CPNE3: variants seen among roughly 807,000 people sequenced by gnomAD.
CPNE3 encodes the protein copine 3.
In CPNE3, 68 loss-of-function variants were observed where a neutral mutation model predicts 63.9. That is an observed-to-expected ratio of 1.06 (90% CI 0.87 to 1.30). The LOEUF (loss-of-function observed/expected upper bound fraction) is 1.30. CPNE3 is among the 50% of genes most tolerant of loss of function. CPNE3 has a pLI of 0.00. For missense variants in CPNE3, 665 were observed against 578.1 expected (o/e 1.15, Z -1.54); for synonymous variants, 219 against 197.5 (o/e 1.11, Z -0.91).
Position 86,531,142 on chromosome 8 carries a change from C to G in CPNE3, c.313-13C>G. ...AAGGGAAATGACTCTGTATCACTTT[C>G]TAATTCTAACAGATTGTTTCCAGCA... On this transcript the variant is annotated splice_polypyrimidine_tract_variant and intron_variant, in intron 4 of 16. Coordinates refer to ENST00000517490, the MANE Select transcript of CPNE3 (RefSeq NM_003909.5). 3.8e-6 allele frequency: 4 copies of G among 1,053,902 alleles called. No individual in the cohort carries two copies. The highest frequency in any genetic ancestry group is 6.0e-6 in the Non-Finnish European group (4 of 667,806). The allele number at this position is 1,053,902 out of a possible 1,614,324, so 65.3% of individuals were successfully genotyped here.
intron 5 of CPNE3, 141 bp downstream of exon 5, chr8:86,531,370 T>C (rs558961684): frequency 1.4e-5 from 9 of 644,924 alleles, no homozygotes; most frequent in African/African-American, 1.1e-4. Context: ...CCATGTCTTG[T>C]AGTTATCACA....
Position 86,551,196 on chromosome 8 carries a change from T to C in CPNE3, c.1082T>C (p.Phe361Ser), listed in dbSNP as rs758070071. ...IPPQWQVSHE[F>S]PMNFNPSNPY... ...CATCTTTGACAGGTATCACATGAAT[T>C]TCCAATGAACTTCAACCCATCCAAT... Residue 361 changes from phenylalanine (F) to serine (S), a missense_variant, in exon 14 of 17, where the codon TTT becomes TCT. Coordinates refer to ENST00000517490, the MANE Select transcript of CPNE3 (RefSeq NM_003909.5). The C allele has an allele frequency of 6.2e-7, 1 of 1,612,924 alleles. No homozygotes were observed. The highest frequency in any genetic ancestry group is 8.5e-7 in the Non-Finnish European group (1 of 1,178,938).
intron 2 of CPNE3, among the ~76,000 whole-genome samples, chr8:86,517,801 A>G (rs987785089): frequency 6.6e-6 from 1 of 152,070 alleles, no homozygotes; most frequent in African/African-American, 2.4e-5. Context: ...TGCTTTGTTT[A>G]TTGTTGGCTC....
Position 86,543,219 on chromosome 8 carries a change from A to G in CPNE3, c.634-1521A>G, listed in dbSNP as rs140042744. ...TGGATACTGAGTAGGGCAAGAGTCAAACTGTCAGACTTGGTCAGTGGCCAA... is the reference window on the plus strand; with the variant it reads ...TGGATACTGAGTAGGGCAAGAGTCAGACTGTCAGACTTGGTCAGTGGCCAA... On this transcript the variant is annotated intron_variant, in intron 8 of 16. Transcript: ENST00000517490. Among the ~76,000 whole-genome samples, 43 of 152,242 alleles carry G rather than the reference A, an allele frequency of 2.8e-4. 1 individual carries two copies. Among genetic ancestry groups the G allele is most frequent in the African/African-American group, 9.9e-4 (41 of 41,550 alleles).
At position 86,534,784 on chromosome 8, in the gene CPNE3, G is replaced by A. The variant is rs576311067; in HGVS notation, c.459+2204G>A. Reference sequence around the variant, plus strand: ...AAGTATTTATTTACTTTGTGGTATAGTTTATATAGGAAAAGTAAGTTAAAA... The same window carrying A: ...AAGTATTTATTTACTTTGTGGTATAATTTATATAGGAAAAGTAAGTTAAAA... On this transcript the variant is annotated intron_variant, in intron 6 of 16. Transcript: ENST00000517490. Among the ~76,000 whole-genome samples, 50 of 152,260 alleles carry A rather than the reference G, an allele frequency of 3.3e-4. No individual in the cohort carries two copies. In the South Asian group the frequency reaches 0.01, roughly 31 times the overall value.
intron 12 of CPNE3, 21 bp downstream of exon 12, chr8:86,548,455 A>T (rs1266396396): frequency 6.2e-7 from 1 of 1,613,432 alleles, no homozygotes; most frequent in South Asian, 1.1e-5. Context: ...CTTTGGAAAA[A>T]CTAAAATACA....
Position 86,537,663 on chromosome 8 carries a change from G to C in CPNE3, c.543+17G>C. 7.2e-7 allele frequency: 1 copy of C among 1,395,190 alleles called. No homozygotes were observed. The highest frequency in any genetic ancestry group is 1.2e-5 in the South Asian group (1 of 86,712). The allele number at this position is 1,395,190 out of a possible 1,614,324, so 86.4% of individuals were successfully genotyped here. ...CGGACAGAGGTGAATATTTGAATTT[G>C]AAAAGCAGAGTGGAGGTGTTCTTTG... is the stretch of plus-strand genomic sequence containing the variant. On this transcript the variant is annotated intron_variant, in intron 7 of 16. Transcript: ENST00000517490.
At chr8:86,528,698 T>C in intron 3 of CPNE3, 21 bp downstream of exon 3, 1 of 1,588,352 alleles carries the variant, frequency 6.3e-7, no homozygotes, top group Non-Finnish European at 8.5e-7. Flanking sequence ...ATACTTTACC[T>C]AAAAAGTAAT....
At chr8:86,524,548 G>C (rs1820498925) in intron 2 of CPNE3, among the ~76,000 whole-genome samples, 1 of 152,026 alleles carries the variant, frequency 6.6e-6, no homozygotes, top group Non-Finnish European at 1.5e-5. Flanking sequence ...TTTCTATCCT[G>C]CTCTTTAAGG....
chr8:86,518,007 A>C (rs904865414), intron 2 of CPNE3, among the ~76,000 whole-genome samples: 2 of 152,208 alleles, frequency 1.3e-5, no homozygotes, highest in Non-Finnish European at 2.9e-5. Context: ...GAAATGTATA[A>C]ACATCTCAAC....
At chr8:86,524,908 T>A (rs1175126911) in intron 2 of CPNE3, 1 of 129,296 alleles carries the variant, frequency 7.7e-6, no homozygotes, top group Non-Finnish European at 1.7e-5. Flanking sequence ...CAGGTTGGAA[T>A]GCAATGGCGT....
At chr8:86,549,752 G>A (rs1821130966) in intron 12 of CPNE3, among the ~76,000 whole-genome samples, 1 of 152,172 alleles carries the variant, frequency 6.6e-6, no homozygotes, top group Non-Finnish European at 1.5e-5. Flanking sequence ...TTCCCTCCGG[G>A]GTTCCATAGC....
At chr8:86,536,355 T>C (rs1359404157) in intron 6 of CPNE3, among the ~76,000 whole-genome samples, 1 of 149,620 alleles carries the variant, frequency 6.7e-6, no homozygotes, top group Non-Finnish European at 1.5e-5. Context: ...ATCCTGGAGA[T>C]CAGAGCCAGG....
chr8:86,543,474 C>T (rs756060419), intron 8 of CPNE3, among the ~76,000 whole-genome samples: 5 of 152,070 alleles, frequency 3.3e-5, no homozygotes, highest in Non-Finnish European at 5.9e-5. Context: ...AGTATTTTAG[C>T]TTGGCAGTTA....
chr8:86,533,895 T>C (rs1389654358), intron 6 of CPNE3, among the ~76,000 whole-genome samples: 1 of 152,066 alleles, frequency 6.6e-6, no homozygotes, highest in Non-Finnish European at 1.5e-5. Flanking sequence ...CCTTCCTTCC[T>C]TTGTATCTAT....
Position 86,528,831 on chromosome 8 carries a change from A to G in CPNE3, c.133-114A>G. ...TGATTGTAGAATTTTTCATACACATATAGAAACTTCCTTTAGTTGTCATGC... is the reference window on the plus strand; with the variant it reads ...TGATTGTAGAATTTTTCATACACATGTAGAAACTTCCTTTAGTTGTCATGC... On this transcript the variant is annotated intron_variant, in intron 3 of 16. Transcript: ENST00000517490. 3 of 1,305,726 alleles carry G rather than the reference A, an allele frequency of 2.3e-6. No homozygotes were observed. In the South Asian group the frequency reaches 4.5e-5, roughly 20 times the overall value. The allele number at this position is 1,305,726 out of a possible 1,614,324, so 80.9% of individuals were successfully genotyped here.
intron 2 of CPNE3, among the ~76,000 whole-genome samples, chr8:86,524,398 G>A (rs1329859694): frequency 6.6e-6 from 1 of 152,150 alleles, no homozygotes; most frequent in Non-Finnish European, 1.5e-5. Context: ...ACGTTAGGGT[G>A]ACTGGGAGAA....
intron 2 of CPNE3, among the ~76,000 whole-genome samples, chr8:86,526,186 C>T: frequency 6.6e-6 from 1 of 151,816 alleles, no homozygotes; most frequent in Non-Finnish European, 1.5e-5. Flanking sequence ...TGAGATCGCG[C>T]CACTGCAGTA....
chr8:86,540,245 G>T lies in CPNE3; in HGVS notation c.544G>T (p.Val182Phe). ...GCTTTTTGAAACCACATTTTTATAG[G>T]TTGTTAAAAACAACTTGAATCCTGT... Reference protein sequence around the residue: ...GNWLMVHRTEVVKNNLNPVWR... With the variant: ...GNWLMVHRTEFVKNNLNPVWR... Residue 182 changes from valine (V) to phenylalanine (F), a missense_variant and splice_region_variant, in exon 8 of 17, where the codon GTT becomes TTT. Transcript: ENST00000517490. 1.3e-6 allele frequency: 2 copies of T among 1,599,354 alleles called. No individual in the cohort carries two copies. The highest frequency in any genetic ancestry group is 1.1e-5 in the South Asian group (1 of 90,644).
Sources: gnomAD v4.1 joint callset for allele counts (sites outside exome capture counted in the v4.1 genomes callset) on GRCh38, gnomAD v4.1.1 for gene constraint, MANE v1.5 for transcripts, NCBI Gene and HGNC (gene_info 2026-07-23, HGNC 2026-07-21) for gene names.